RGS7: variants seen among roughly 807,000 people sequenced by gnomAD.
The protein encoded by RGS7 is regulator of G protein signaling 7.
RGS7 carries 27 observed loss-of-function variants against 81.1 expected under a neutral mutation model. The observed-to-expected ratio is 0.33, with a 90% CI of 0.25 to 0.46. RGS7 has a LOEUF of 0.46. RGS7 is among the 20% of genes least tolerant of loss of function. RGS7 has a pLI of 1.00. For missense variants in RGS7, 396 were observed against 607.4 expected (o/e 0.65, Z 3.66); for synonymous variants, 208 against 207.7 (o/e 1.00, Z -0.01).
intron 2 of RGS7, among the ~76,000 whole-genome samples, chr1:241,161,834 C>T (rs1230685994): frequency 1.3e-5 from 2 of 151,724 alleles, no homozygotes; most frequent in Non-Finnish European, 1.5e-5. Flanking sequence ...TCTCCTGCCT[C>T]AGCCACCCGA....
intron 3 of RGS7, among the ~76,000 whole-genome samples, chr1:241,069,581 T>C (rs1278605859): frequency 2.6e-5 from 4 of 152,192 alleles, no homozygotes; most frequent in Non-Finnish European, 5.9e-5. Context: ...GGGTGGATAG[T>C]AGTATAACAC....
intron 2 of RGS7, among the ~76,000 whole-genome samples, chr1:241,134,264 C>T (rs143484558): frequency 2.8e-4 from 43 of 152,288 alleles, no homozygotes; most frequent in African/African-American, 9.9e-4. Context: ...CAGTGCTGCT[C>T]CAGACCTATC....
At chr1:240,973,611 A>G (rs1683602798) in intron 4 of RGS7, among the ~76,000 whole-genome samples, 1 of 151,754 alleles carries the variant, frequency 6.6e-6, no homozygotes, top group African/African-American at 2.4e-5. Flanking sequence ...TTTTTTGGAG[A>G]TGGAGTCTCG....
chr1:240,979,544 C>T (rs1031978163), intron 4 of RGS7, among the ~76,000 whole-genome samples: 1 of 152,102 alleles, frequency 6.6e-6, no homozygotes. Flanking sequence ...GTGGAAAAAT[C>T]GGGGTTCCAT....
chr1:240,949,847 C>CAAAAAAAAA lies in RGS7; in HGVS notation c.227-13150_227-13142dup, dbSNP rs57421740. On this transcript the variant is annotated intron_variant, in intron 4 of 18. Transcript: ENST00000440928. ...TGGGTGACAGAACAAGACTCTGACTCAAAAAAAAAAAAAAAAAAAAGCCAA... is the reference window on the plus strand; with the variant it reads ...TGGGTGACAGAACAAGACTCTGACTCAAAAAAAAAAAAAAAAAAAAAAAAAAAAAGCCAA... Among the ~76,000 whole-genome samples, 3 of 91,962 alleles carry CAAAAAAAAA rather than the reference C, an allele frequency of 3.3e-5. 1 individual carries two copies. Among genetic ancestry groups the CAAAAAAAAA allele is most frequent in the Non-Finnish European group, 5.9e-5 (3 of 51,084 alleles). 60.3% of individuals were successfully genotyped at this position (91,962 alleles called of 152,430 possible).
At chr1:241,287,764 C>T (rs138680119) in intron 2 of RGS7, among the ~76,000 whole-genome samples, 6 of 151,918 alleles carry the variant, frequency 3.9e-5, no homozygotes, top group South Asian at 2.1e-4. Context: ...CACACACACA[C>T]GACAGAGGGA....
intron 2 of RGS7, among the ~76,000 whole-genome samples, chr1:241,342,204 G>C (rs773901431): frequency 6.6e-6 from 1 of 152,042 alleles, no homozygotes; most frequent in African/African-American, 2.4e-5. Context: ...ATACTGCCTG[G>C]ATATTAGTCA....
At chr1:240,903,692 T>A (rs966266420) in intron 6 of RGS7, among the ~76,000 whole-genome samples, 1 of 152,100 alleles carries the variant, frequency 6.6e-6, no homozygotes, top group Admixed American at 6.5e-5. Context: ...ATGATGGTGG[T>A]GGGGCCTAAT....
intron 2 of RGS7, among the ~76,000 whole-genome samples, chr1:241,221,006 A>AAGGAAGG (rs1558203524): frequency 9.5e-5 from 8 of 84,538 alleles, no homozygotes; most frequent in African/African-American, 3.2e-4. Flanking sequence ...AGAGAGAGAG[A>AAGGAAGG]AAGGAAGGAA....
At chr1:241,225,776 T>A (rs975516055) in intron 2 of RGS7, among the ~76,000 whole-genome samples, 24 of 152,200 alleles carry the variant, frequency 1.6e-4, no homozygotes, top group African/African-American at 5.1e-4. Flanking sequence ...TTAGGTACAG[T>A]TATCAACAGT....
chr1:241,201,653 AACT>A (rs1042488654), intron 2 of RGS7, among the ~76,000 whole-genome samples: 6 of 152,184 alleles, frequency 3.9e-5, no homozygotes, highest in African/African-American at 1.4e-4. Flanking sequence ...TTAAAAATAA[AACT>A]ACTTTTGTCT....
At chr1:241,299,958 A>AAG (rs71172696) in intron 2 of RGS7, among the ~76,000 whole-genome samples, 4 of 147,396 alleles carry the variant, frequency 2.7e-5, no homozygotes, top group African/African-American at 1.0e-4. Flanking sequence ...AAAAAAAAAA[A>AAG]GTAAAAATTA....
intron 2 of RGS7, among the ~76,000 whole-genome samples, chr1:241,342,161 A>G (rs947699268): frequency 5.3e-5 from 8 of 152,084 alleles, no homozygotes; most frequent in African/African-American, 1.9e-4. Context: ...GGCATGAACC[A>G]CCACACCTGG....
intron 3 of RGS7, among the ~76,000 whole-genome samples, chr1:241,028,258 G>A (rs914650607): frequency 8.5e-5 from 13 of 152,176 alleles, no homozygotes; most frequent in African/African-American, 2.7e-4. Context: ...GTTTTGAATT[G>A]GATTGGGAAT....
intron 9 of RGS7, among the ~76,000 whole-genome samples, chr1:240,864,012 C>A (rs186053853): frequency 8.5e-5 from 13 of 152,176 alleles, no homozygotes; most frequent in Admixed American, 7.9e-4. Flanking sequence ...GCCTGGCTCT[C>A]CCACCGCTAG....
chr1:241,337,226 CTGTA>C (rs1198920452), intron 2 of RGS7, among the ~76,000 whole-genome samples: 1 of 152,102 alleles, frequency 6.6e-6, no homozygotes, highest in African/African-American at 2.4e-5. Flanking sequence ...TTCCACCATT[CTGTA>C]CTCCATTGTT....
intron 2 of RGS7, among the ~76,000 whole-genome samples, chr1:241,285,016 A>G (rs4659597): frequency 0.84 from 127,601 of 151,974 alleles, 53,818 homozygotes; most frequent in East Asian, 1. Context: ...GACTACAGGC[A>G]CCCACCACAA....
intron 2 of RGS7, among the ~76,000 whole-genome samples, chr1:241,264,007 A>G (rs1394552935): frequency 6.6e-6 from 1 of 152,202 alleles, no homozygotes; most frequent in Non-Finnish European, 1.5e-5. Flanking sequence ...TATAAGAAAT[A>G]ATTGATAATC....
chr1:240,971,832 A>G (rs1683249889), intron 4 of RGS7, among the ~76,000 whole-genome samples: 1 of 152,182 alleles, frequency 6.6e-6, no homozygotes, highest in South Asian at 2.1e-4. Context: ...TTGATCTCCT[A>G]TGGACATGAC....
Sources: gnomAD v4.1 joint callset for allele counts (sites outside exome capture counted in the v4.1 genomes callset) on GRCh38, gnomAD v4.1.1 for gene constraint, MANE v1.5 for transcripts, NCBI Gene and HGNC (gene_info 2026-07-23, HGNC 2026-07-21) for gene names.